Variants in RNASE10 observed in about 807,000 individuals in gnomAD.
The protein encoded by RNASE10 is ribonuclease A family member 10 (inactive).
RNASE10 carries 2 observed loss-of-function variants against 1.1 expected under a neutral mutation model. The observed-to-expected ratio is 1.82, with a 90% CI of 0.74 to 5.73. RNASE10 has a LOEUF of 5.73. Among genes scored for constraint, RNASE10 ranks in the 30% most tolerant of loss-of-function variants. The pLI, the probability that RNASE10 is intolerant of heterozygous loss-of-function variation, is 0.05. For synonymous variants in RNASE10, 97 were observed against 96.2 expected (o/e 1.01, Z -0.05); for missense variants, 276 against 263.4 (o/e 1.05, Z -0.33).
rs775891643 is a variant in RNASE10, at chr14:20,510,982, C to T, written c.595C>T (p.Arg199Ter). Residue 199 changes from arginine to a stop codon, truncating the protein, a stop_gained, in exon 2 of 2, where the codon CGA becomes TGA. Coordinates refer to ENST00000430083, the Ensembl canonical transcript of RNASE10. LOFTEE classifies it low-confidence loss of function (END_TRUNC). Reference sequence around the variant, plus strand: ...GGGGGGAAAATGTCACAAAAGCTCCCGACCTTTTGATTTGACATTGTGCGA... The same window carrying T: ...GGGGGGAAAATGTCACAAAAGCTCCTGACCTTTTGATTTGACATTGTGCGA... 17 of 1,601,740 alleles carry T rather than the reference C, an allele frequency of 1.1e-5. No homozygotes were observed. Among genetic ancestry groups the T allele is most frequent in the Admixed American group, 5.0e-5 (3 of 59,422 alleles).
At chr14:20,509,099 G>A (rs1048766743) in intron 1 of RNASE10, among the ~76,000 whole-genome samples, 7 of 152,166 alleles carry the variant, frequency 4.6e-5, no homozygotes, top group Non-Finnish European at 8.8e-5. Flanking sequence ...ATCTCACTCC[G>A]TCACACAGGC....
At chr14:20,512,245 G>T (rs1363758474), downstream of RNASE10, among the ~76,000 whole-genome samples, 8 of 152,212 alleles carry the variant, frequency 5.3e-5, no homozygotes, top group African/African-American at 1.7e-4. Context: ...AATTTCAGCA[G>T]AGAAGGTATC....
exon 2 of RNASE10, chr14:20,511,073 T>C (rs764256331): frequency 6.6e-7 from 1 of 1,523,168 alleles, no homozygotes; most frequent in Non-Finnish European, 8.8e-7. Context: ...AAAAAGCACA[T>C]TATTATAACC....
At chr14:20,513,385 A>T (rs1882943668), downstream of RNASE10, among the ~76,000 whole-genome samples, 1 of 152,214 alleles carries the variant, frequency 6.6e-6, no homozygotes, top group African/African-American at 2.4e-5. Flanking sequence ...AGGGGCAGAA[A>T]ATTAACTCAC....
upstream of RNASE10, among the ~76,000 whole-genome samples, chr14:20,504,700 A>AAAAAAAT (rs1882646858): frequency 6.9e-6 from 1 of 144,872 alleles, no homozygotes; most frequent in South Asian, 2.2e-4. Flanking sequence ...AAAAAAAAAA[A>AAAAAAAT]AAAAAAGGAA....
At chr14:20,504,687 CA>C (rs71112507), upstream of RNASE10, among the ~76,000 whole-genome samples, 127 of 44,544 alleles carry the variant, frequency 2.9e-3, 3 homozygotes, top group South Asian at 3.9e-3. Flanking sequence ...GACTCCGTCT[CA>C]AAAAAAAAAA....
chr14:20,509,469 G>T (rs1333823751), intron 1 of RNASE10, among the ~76,000 whole-genome samples: 1 of 152,240 alleles, frequency 6.6e-6, no homozygotes, highest in African/African-American at 2.4e-5. Flanking sequence ...CTACTCAGAT[G>T]TTAAGAGATC....
rs61730378 is a variant in RNASE10 at position 20,510,810 on chromosome 14, C to G, written c.423C>G (p.Asp141Glu). 1.0e-3 allele frequency: 1,613 copies of G among 1,614,136 alleles called. 21 individuals carry two copies. The African/African-American group carries it at 0.02, about 20-fold the overall frequency. The change falls in exon 2 of 2, where the codon GAC becomes GAG. Residue 141 changes from aspartate to glutamate, a missense_variant. Coordinates refer to ENST00000430083, the Ensembl canonical transcript of RNASE10. ...GCAACAAAGACTATCTTAGGCTTGA[C>G]CAGACAGATAGAGAATGCAATGATA... is the stretch of plus-strand genomic sequence containing the variant.
At chr14:20,512,296 A>G (rs1428395429), downstream of RNASE10, among the ~76,000 whole-genome samples, 1 of 152,244 alleles carries the variant, frequency 6.6e-6, no homozygotes, top group African/African-American at 2.4e-5. Context: ...GGCTGGATAC[A>G]CAGAAGATGC....
At chr14:20,513,224 TTTTTG>T (rs200459514), downstream of RNASE10, among the ~76,000 whole-genome samples, 1 of 140,280 alleles carries the variant, frequency 7.1e-6, no homozygotes, top group African/African-American at 3.3e-5. Flanking sequence ...TTTTGTTTTG[TTTTTG>T]TTTTTTTTGT....
chr14:20,506,224 G>A (rs1882710017), intron 1 of RNASE10, among the ~76,000 whole-genome samples: 1 of 136,304 alleles, frequency 7.3e-6, no homozygotes, highest in African/African-American at 2.7e-5. Context: ...GCCCCGTCCG[G>A]GAGGTGAGGG....
At chr14:20,509,740 C>CT (rs750863742) in intron 1 of RNASE10, among the ~76,000 whole-genome samples, 27 of 152,244 alleles carry the variant, frequency 1.8e-4, no homozygotes, top group Non-Finnish European at 3.8e-4. Context: ...ATAAGGCTTT[C>CT]TACAAGAATT....
At chr14:20,507,181 G>T (rs1398383725) in intron 1 of RNASE10, among the ~76,000 whole-genome samples, 1 of 142,870 alleles carries the variant, frequency 7.0e-6, no homozygotes, top group East Asian at 2.1e-4. Flanking sequence ...AGGCGGGAAG[G>T]GTGGGGAAAA....
At chr14:20,507,075 G>A (rs1398733388) in intron 1 of RNASE10, among the ~76,000 whole-genome samples, 3 of 150,632 alleles carry the variant, frequency 2.0e-5, no homozygotes, top group Non-Finnish European at 3.0e-5. Context: ...GGGAAGTGAG[G>A]AGCCCCTCTG....
chr14:20,511,180 C>A, downstream of RNASE10: 1 of 1,287,992 alleles, frequency 7.8e-7, no homozygotes, highest in Non-Finnish European at 1.0e-6. Context: ...TTTTTTACTT[C>A]TTCTTTCTCA....
At chr14:20,506,797 C>A (rs1435081372) in intron 1 of RNASE10, among the ~76,000 whole-genome samples, 140 of 99,774 alleles carry the variant, frequency 1.4e-3, no homozygotes, top group South Asian at 1.8e-3. Context: ...CCAGCCGCCC[C>A]GTCCGGGAGG....
chr14:20,505,261 G>GCTCCCTCTCCCTCTCCCT (rs752030796), upstream of RNASE10, among the ~76,000 whole-genome samples: 1 of 51,316 alleles, frequency 1.9e-5, no homozygotes. Flanking sequence ...AAGTGAGTTT[G>GCTCCCTCTCCCTCTCCCT]CTCCCTCTCC....
downstream of RNASE10, chr14:20,511,240 C>T (rs1183993421): frequency 6.2e-6 from 5 of 807,218 alleles, no homozygotes; most frequent in African/African-American, 7.1e-5. Flanking sequence ...CTTCCTTGCC[C>T]TATGGGTCAC....
chr14:20,509,484 A>T (rs1010038314), intron 1 of RNASE10, among the ~76,000 whole-genome samples: 1 of 152,236 alleles, frequency 6.6e-6, no homozygotes, highest in Non-Finnish European at 1.5e-5. Context: ...GAGATCTTTA[A>T]TAGTAGAAGG....
Sources: gnomAD v4.1 joint callset for allele counts (sites outside exome capture counted in the v4.1 genomes callset) on GRCh38, gnomAD v4.1.1 for gene constraint, MANE v1.5 for transcripts, NCBI Gene and HGNC (gene_info 2026-07-23, HGNC 2026-07-21) for gene names.